Variants in IL22 observed in about 807,000 individuals in gnomAD.
IL22 encodes interleukin 22.
Under a neutral mutation model 15.5 loss-of-function variants are expected in IL22, and 15 were observed. That is an observed-to-expected ratio of 0.97 (90% CI 0.65 to 1.49). The LOEUF (loss-of-function observed/expected upper bound fraction) is 1.49, where lower values mean the gene tolerates loss of function less well. Ranked by LOEUF, IL22 falls within the 40% of genes most tolerant of loss-of-function variation. The probability of loss-of-function intolerance (pLI) is 0.00; values close to 1 mark genes in which losing one functional copy is unlikely to be tolerated. For synonymous variants in IL22, 91 were observed against 82.0 expected (o/e 1.11, Z -0.60); for missense variants, 225 against 215.4 (o/e 1.04, Z -0.28).
At chr12:68,249,871 T>A (rs890815221) in intron 5 of IL22, among the ~76,000 whole-genome samples, 1 of 152,244 alleles carries the variant, frequency 6.6e-6, no homozygotes, top group Non-Finnish European at 1.5e-5. Flanking sequence ...CTTTCCATAC[T>A]TCTTTTGACA....
At chr12:68,248,956 A>G (rs1869830443) in intron 5 of IL22, 80 bp from the exon 6 acceptor site, 1 of 1,090,508 alleles carries the variant, frequency 9.2e-7, no homozygotes, top group Non-Finnish European at 1.4e-6. Flanking sequence ...TTGCAAGATT[A>G]GGTTGATGGA....
rs1592915102 is a variant in IL22, at chr12:68,252,843, A to C, written c.187-14T>G. ...AGCCAAGCTAGCCTGGAAGAGAAGA[A>C]AAGACTAAGGGTCTGGACATTGAGC... On this transcript the variant is annotated splice_polypyrimidine_tract_variant and intron_variant, in intron 2 of 5. Transcript: ENST00000538666. The C allele has an allele frequency of 4.3e-6, 7 of 1,612,274 alleles. No homozygotes were observed. In the East Asian group the frequency reaches 1.6e-4, roughly 36 times the overall value.
chr12:68,253,061 A>G (rs1869993787), intron 2 of IL22, among the ~76,000 whole-genome samples: 1 of 147,982 alleles, frequency 6.8e-6, no homozygotes, highest in Non-Finnish European at 1.5e-5. Flanking sequence ...TATGTATCAT[A>G]AAGGCCAAAA....
chr12:68,250,383 G>A (rs2120546680), intron 5 of IL22, among the ~76,000 whole-genome samples: 1 of 152,324 alleles, frequency 6.6e-6, no homozygotes, highest in Non-Finnish European at 1.5e-5. Context: ...AGAGAACTGG[G>A]CTTCACAATT....
intron 5 of IL22, among the ~76,000 whole-genome samples, chr12:68,250,582 C>T (rs950050564): frequency 2.0e-5 from 3 of 152,180 alleles, no homozygotes; most frequent in East Asian, 1.9e-4. Flanking sequence ...CTTGCAAGAG[C>T]GTCACTTTCA....
Position 68,248,694 on chromosome 12 carries a change from G to T in IL22, c.*105C>A. ...GAATCCACCCATCATGATGGAGTTTGGCTTCCCATCTTCCTTTTGGTTAAA... is the reference window on the plus strand; with the variant it reads ...GAATCCACCCATCATGATGGAGTTTTGCTTCCCATCTTCCTTTTGGTTAAA... On this transcript the variant is annotated 3_prime_UTR_variant, in exon 6 of 6. Transcript: ENST00000538666. 1 of 820,904 alleles carries T rather than the reference G, an allele frequency of 1.2e-6. No individual in the cohort carries two copies. 50.9% of individuals were successfully genotyped at this position (820,904 alleles called of 1,614,324 possible). A position where few individuals can be genotyped will look rare whatever the true frequency, so the allele number is the denominator to read the frequency against.
intron 5 of IL22, among the ~76,000 whole-genome samples, chr12:68,250,053 C>G (rs1184764124): frequency 6.6e-6 from 1 of 152,188 alleles, no homozygotes; most frequent in African/African-American, 2.4e-5. Flanking sequence ...TCAGACAGCT[C>G]TGACAGTTTC....
intron 5 of IL22, 71 bp downstream of exon 5, chr12:68,251,442 A>G: frequency 1.8e-6 from 2 of 1,127,022 alleles, no homozygotes; most frequent in East Asian, 2.3e-5. Flanking sequence ...TGATGGGAAG[A>G]AAGAAAGGAA....
chr12:68,252,686 A>G, intron 3 of IL22, 39 bp from the exon 4 acceptor site: 1 of 1,613,684 alleles, frequency 6.2e-7, no homozygotes, highest in Non-Finnish European at 8.5e-7. Context: ...CATAAGGGAT[A>G]AGACCTAAAC....
Position 68,253,452 on chromosome 12 carries a change from A to C in IL22, c.-4T>G, listed in dbSNP as rs767131226. 1.3e-6 allele frequency: 2 copies of C among 1,588,204 alleles called. No homozygotes were observed. The highest frequency in any genetic ancestry group is 8.6e-7 in the Non-Finnish European group (1 of 1,164,606). The stretch of plus-strand genomic sequence containing the variant: ...CAGATTTCTGCAGGGCGGCCATTGC[A>C]GACAATTCTAACTCGAGCAACTGGT... On this transcript the variant is annotated 5_prime_UTR_variant, in exon 2 of 6. Transcript: ENST00000538666.
chr12:68,252,961 A>C (rs1869989093), intron 2 of IL22, 132 bp from the exon 3 acceptor site: 1 of 722,194 alleles, frequency 1.4e-6, no homozygotes. Flanking sequence ...AGATGTGTGC[A>C]TGAGTTTAGA....
At chr12:68,250,109 G>A (rs1869877253) in intron 5 of IL22, among the ~76,000 whole-genome samples, 1 of 152,016 alleles carries the variant, frequency 6.6e-6, no homozygotes, top group Non-Finnish European at 1.5e-5. Context: ...TCCCTCCTGT[G>A]CTTTCTGAAG....
At chr12:68,251,397 C>T (rs1414235072) in intron 5 of IL22, 116 bp downstream of exon 5, 1 of 769,824 alleles carries the variant, frequency 1.3e-6, no homozygotes, top group Non-Finnish European at 2.3e-6. Flanking sequence ...AGTAATCGCC[C>T]TGGTGGTAGG....
Position 68,252,753 on chromosome 12 carries a change from C to A in IL22, c.252+11G>T. The A allele has an allele frequency of 6.2e-7, 1 of 1,613,744 alleles. No homozygotes were observed. The highest frequency in any genetic ancestry group is 8.5e-7 in the Non-Finnish European group (1 of 1,179,654). On this transcript the variant is annotated intron_variant, in intron 3 of 5. Coordinates refer to ENST00000538666, the MANE Select transcript of IL22 (RefSeq NM_020525.5). ...CGGCACACGGCCCTGTTCGTCACAA[C>A]TGTAGCTTACACTGACTCCGTGGAA...
Position 68,253,255 on chromosome 12 carries a change from A to T in IL22, c.186+8T>A. The T allele has an allele frequency of 1.9e-6, 3 of 1,608,876 alleles. No individual in the cohort carries two copies. Among genetic ancestry groups the T allele is most frequent in the South Asian group, 2.2e-5 (2 of 90,528 alleles). On this transcript the variant is annotated splice_region_variant and intron_variant, in intron 2 of 5. Transcript: ENST00000538666. ...TCCAACGAGAAAGAGCAGGATTGAG[A>T]TGTATACCTCCTTAGCCAGCATGAA... is the stretch of plus-strand genomic sequence containing the variant.
At chr12:68,253,196 G>A (rs909798061) in intron 2 of IL22, 67 bp downstream of exon 2, 2 of 1,387,444 alleles carry the variant, frequency 1.4e-6, no homozygotes, top group African/African-American at 2.9e-5. Context: ...ATGCTCTGAA[G>A]AAAAGTTTAA....
rs770154702 is a variant in IL22 at position 68,253,282 on chromosome 12, G to A, written c.167C>T (p.Thr56Ile). The change falls in exon 2 of 6, where the codon ACC becomes ATC. Residue 56 changes from threonine (T) to isoleucine (I), a missense_variant. Thr to Ile is a moderately conservative substitution (Grantham distance 89). Transcript: ENST00000538666. ...GTATACCTCCTTAGCCAGCATGAAG[G>A]TGCGGTTGGTGATATAGGGCTGCTG... ...NFQQPYITNR[T>I]FMLAKEASLA... 5.0e-6 allele frequency: 8 copies of A among 1,613,434 alleles called. No homozygotes were observed. In the African/African-American group the frequency reaches 9.3e-5, roughly 19 times the overall value.
At chr12:68,251,702 AC>A (rs1216959928) in intron 4 of IL22, 124 bp from the exon 5 acceptor site, 4 of 716,196 alleles carry the variant, frequency 5.6e-6, no homozygotes, top group Non-Finnish European at 9.7e-6. Context: ...GCCCACAATG[AC>A]CTAGATTTCA....
chr12:68,252,661 G>A lies in IL22; in HGVS notation c.253-14C>T, dbSNP rs1314425658. The A allele has an allele frequency of 1.2e-6, 2 of 1,613,910 alleles. No homozygotes were observed. Among genetic ancestry groups the A allele is most frequent in the Non-Finnish European group, 1.7e-6 (2 of 1,179,920 alleles). ...GCGCTCACTCATCTGCAGGTGGAAGGGAAACAGAAAGGGTCATAAGGGATA... is the reference window on the plus strand; with the variant it reads ...GCGCTCACTCATCTGCAGGTGGAAGAGAAACAGAAAGGGTCATAAGGGATA... On this transcript the variant is annotated splice_polypyrimidine_tract_variant and intron_variant, in intron 3 of 5. Transcript: ENST00000538666.
Sources: gnomAD v4.1 joint callset for allele counts (sites outside exome capture counted in the v4.1 genomes callset) on GRCh38, gnomAD v4.1.1 for gene constraint, MANE v1.5 for transcripts, NCBI Gene and HGNC (gene_info 2026-07-23, HGNC 2026-07-21) for gene names.